Variants in ABLIM1 observed in about 807,000 individuals in gnomAD.
ABLIM1 encodes the protein actin-binding LIM protein 1.
In ABLIM1, 40 loss-of-function variants were observed where a neutral mutation model predicts 107.0. The ratio of observed to expected loss-of-function variants is 0.37; its 90% CI spans 0.29 to 0.49. ABLIM1 has a LOEUF of 0.49. Among genes scored for constraint, ABLIM1 ranks in the 20% least tolerant of loss-of-function variants. The pLI, the probability that ABLIM1 is intolerant of heterozygous loss-of-function variation, is 0.97. For synonymous variants in ABLIM1, 357 were observed against 357.3 expected, an observed-to-expected ratio of 1.00 and a Z score of 0.01; for missense variants, 857 against 1,008.5, an observed-to-expected ratio of 0.85 and a Z score of 2.04.
At position 114,692,274 on chromosome 10, in the gene ABLIM1, T is replaced by A. The variant is rs183634775; in HGVS notation, c.-213+75787A>T. ...ATTTTATTGATGGTCTCAAGTGAAC[T>A]AATTATTCCAAAGACTTTCAAAAAG... On this transcript the variant is annotated intron_variant, in intron 1 of 15. Coordinates refer to the ABLIM1 transcript ENST00000651092. 7.2e-4 allele frequency among the ~76,000 whole-genome samples: 110 copies of A among 152,372 alleles called. 2 individuals are homozygous for A. Among genetic ancestry groups the A allele is most frequent in the African/African-American group, 2.5e-3 (102 of 41,588 alleles).
rs925354092 is a variant in ABLIM1 at position 114,600,665 on chromosome 10, C to A, written c.379+1162G>T. ...CAGTTTCCAGAAATGAAGGTGCGTA[C>A]CACAGGCAGGGCATAGGAATGAGGG... is the stretch of plus-strand genomic sequence containing the variant. On this transcript the variant is annotated intron_variant, in intron 2 of 22. Coordinates refer to ENST00000533213, the MANE Select transcript of ABLIM1 (RefSeq NM_002313.7). 5.9e-5 allele frequency among the ~76,000 whole-genome samples: 9 copies of A among 152,088 alleles called. No homozygotes were observed. The East Asian group carries it at 1.5e-3, about 26-fold the overall frequency.
chr10:114,465,188 A>G (rs1030293313), intron 12 of ABLIM1, among the ~76,000 whole-genome samples: 2 of 152,216 alleles, frequency 1.3e-5, no homozygotes, highest in Non-Finnish European at 2.9e-5. Flanking sequence ...AGAATGACTG[A>G]AAATCTTAGG....
chr10:114,469,306 G>A (rs12770232), intron 10 of ABLIM1, among the ~76,000 whole-genome samples: 23,083 of 152,168 alleles, frequency 0.15, 2,176 homozygotes, highest in Middle Eastern at 0.26. Context: ...GGGGCATCCT[G>A]CCTTGGCTGC....
intron 1 of ABLIM1, among the ~76,000 whole-genome samples, chr10:114,604,774 T>C (rs1411667070): frequency 6.6e-6 from 1 of 152,246 alleles, no homozygotes; most frequent in African/African-American, 2.4e-5. Context: ...GAATGCATTT[T>C]TGGATAAGAA....
chr10:114,593,486 T>C (rs1425634672), intron 2 of ABLIM1, among the ~76,000 whole-genome samples: 1 of 152,188 alleles, frequency 6.6e-6, no homozygotes, highest in Non-Finnish European at 1.5e-5. Flanking sequence ...GTAGGCTAGC[T>C]GGATGCTGCA....
intron 10 of ABLIM1, among the ~76,000 whole-genome samples, chr10:114,472,526 G>A (rs538623013): frequency 6.6e-5 from 10 of 152,174 alleles, no homozygotes; most frequent in South Asian, 2.1e-4. Flanking sequence ...TGCCCCATGC[G>A]CTCTACTTTA....
At chr10:114,721,411 C>G (rs929170844) in intron 1 of ABLIM1, among the ~76,000 whole-genome samples, 1 of 152,128 alleles carries the variant, frequency 6.6e-6, no homozygotes, top group South Asian at 2.1e-4. Context: ...CTGCTGTTCC[C>G]AGACATATCA....
At position 114,526,966 on chromosome 10, in the gene ABLIM1, G is replaced by A. The variant is rs908220553; in HGVS notation, c.894+18039C>T. 1.4e-5 allele frequency: 14 copies of A among 985,270 alleles called. No individual in the cohort carries two copies. In the African/African-American group the frequency reaches 2.1e-4, roughly 15 times the overall value. The allele number at this position is 985,270 out of a possible 1,614,324, so 61.0% of individuals were successfully genotyped here. On this transcript the variant is annotated intron_variant, in intron 6 of 22. Transcript: ENST00000533213. ...TTCAACACACCAGCAACCACAATGG[G>A]CCAGTCCATGTTCCCAAAAAAGGAG...
chr10:114,432,182 G>C lies in ABLIM1; in HGVS notation c.*4078C>G, dbSNP rs1162077516. ...GGGGCATACTGACAAACACTTCATT[G>C]GTTAGAAGAGAATAATTGTAAAAAT... On this transcript the variant is annotated 3_prime_UTR_variant, in exon 23 of 23. Coordinates refer to ENST00000533213, the MANE Select transcript of ABLIM1 (RefSeq NM_002313.7). 1.3e-5 allele frequency: 2 copies of C among 152,178 alleles called. No homozygotes were observed. The highest frequency in any genetic ancestry group is 4.8e-5 in the African/African-American group (2 of 41,434). The allele number at this position is 152,178 out of a possible 1,614,324, so 9.4% of individuals were successfully genotyped here. A position where few individuals can be genotyped will look rare whatever the true frequency, so the allele number is the denominator to read the frequency against.
intron 6 of ABLIM1, among the ~76,000 whole-genome samples, chr10:114,543,349 A>G (rs1483882936): frequency 6.6e-6 from 1 of 152,100 alleles, no homozygotes; most frequent in African/African-American, 2.4e-5. Context: ...GGCAACTACC[A>G]ATCTGCTTTC....
chr10:114,511,117 TTATAAG>T (rs1229758885), intron 6 of ABLIM1, among the ~76,000 whole-genome samples: 13 of 152,172 alleles, frequency 8.5e-5, no homozygotes, highest in African/African-American at 2.7e-4. Flanking sequence ...TAATCGCACA[TTATAAG>T]TATAATTATA....
At chr10:114,655,033 A>G (rs1010995075) in intron 1 of ABLIM1, among the ~76,000 whole-genome samples, 1 of 152,148 alleles carries the variant, frequency 6.6e-6, no homozygotes, top group Non-Finnish European at 1.5e-5. Context: ...CCCTACAAAA[A>G]AAATCTGCCC....
intron 6 of ABLIM1, among the ~76,000 whole-genome samples, chr10:114,504,971 C>T (rs1361071376): frequency 1.3e-5 from 2 of 151,968 alleles, no homozygotes; most frequent in Non-Finnish European, 2.9e-5. Context: ...GGTTGCAAAA[C>T]ACCAGATGAC....
chr10:114,511,368 A>C (rs917620836), intron 6 of ABLIM1, among the ~76,000 whole-genome samples: 1 of 151,750 alleles, frequency 6.6e-6, no homozygotes, highest in African/African-American at 2.4e-5. Context: ...TCACCTCTTT[A>C]AAAAAATTTT....
chr10:114,453,761 C>A (rs943122469), intron 12 of ABLIM1, among the ~76,000 whole-genome samples: 4 of 152,120 alleles, frequency 2.6e-5, no homozygotes, highest in African/African-American at 9.7e-5. Flanking sequence ...TGTGAGCTCG[C>A]AGCAAACTGA....
chr10:114,622,247 CTTTT>C (rs71007483), intron 1 of ABLIM1, among the ~76,000 whole-genome samples: 2 of 136,548 alleles, frequency 1.5e-5, no homozygotes, highest in Non-Finnish European at 3.1e-5. Flanking sequence ...TTTTCTTTTT[CTTTT>C]TTTTTTTTTT....
chr10:114,612,547 G>A (rs1303076649), intron 1 of ABLIM1, among the ~76,000 whole-genome samples: 1 of 152,214 alleles, frequency 6.6e-6, no homozygotes, highest in African/African-American at 2.4e-5. Flanking sequence ...AGGAAAGACT[G>A]TCACTAACCT....
At chr10:114,472,648 C>G (rs1039294793) in intron 10 of ABLIM1, among the ~76,000 whole-genome samples, 8 of 152,140 alleles carry the variant, frequency 5.3e-5, no homozygotes, top group Non-Finnish European at 1.5e-5. Flanking sequence ...AAGCTTATCA[C>G]TAGACTAAGA....
chr10:114,720,835 T>C (rs1441971513), intron 1 of ABLIM1, among the ~76,000 whole-genome samples: 3 of 152,076 alleles, frequency 2.0e-5, no homozygotes, highest in African/African-American at 7.2e-5. Context: ...ATGTCAGACA[T>C]TTGCCTGCCA....
Sources: gnomAD v4.1 joint callset for allele counts (sites outside exome capture counted in the v4.1 genomes callset) on GRCh38, gnomAD v4.1.1 for gene constraint, MANE v1.5 for transcripts, NCBI Gene and HGNC (gene_info 2026-07-23, HGNC 2026-07-21) for gene names.